The following FKBP5 variants were observed in gnomAD, a reference collection of about 807,000 sequenced individuals.
FKBP5 encodes the protein peptidyl-prolyl cis-trans isomerase FKBP5.
A neutral mutation model predicts 50.5 loss-of-function variants in FKBP5; 23 were observed. The observed-to-expected ratio is 0.46, with a 90% CI of 0.33 to 0.65. FKBP5 has a LOEUF of 0.65. Among genes scored for constraint, FKBP5 ranks in the 30% least tolerant of loss-of-function variants. The pLI, the probability that FKBP5 is intolerant of heterozygous loss-of-function variation, is 0.02. For missense variants in FKBP5, 411 were observed against 553.1 expected (o/e 0.74, Z 2.58); for synonymous variants, 176 against 190.6 (o/e 0.92, Z 0.63).
chr6:35,665,809 C>T lies in FKBP5; in HGVS notation c.-19-22966G>A, dbSNP rs191896750. 1.2e-4 allele frequency among the ~76,000 whole-genome samples: 18 copies of T among 152,202 alleles called. No individual in the cohort carries two copies. In the East Asian group the frequency reaches 1.9e-3, roughly 16 times the overall value. On this transcript the variant is annotated intron_variant, in intron 1 of 10. Coordinates refer to ENST00000357266, the MANE Select transcript of FKBP5 (RefSeq NM_004117.4). ...TTTCAACTTTATGATGGTGAGAAGGCGATACACATTCAGTAGAAACAGTAC... is the reference window on the plus strand; with the variant it reads ...TTTCAACTTTATGATGGTGAGAAGGTGATACACATTCAGTAGAAACAGTAC...
rs1301937186 is a variant in FKBP5 at position 35,637,108 on chromosome 6, T to C, written c.156A>G (p.Lys52=). The change falls in exon 3 of 11, where the codon AAA becomes AAG. Residue 52 remains lysine (K), a synonymous_variant. Transcript: ENST00000357266. ...ATTTTCCTTTGTAATGGACATAAACTTTGTCTCCAATCATCGGCGTTTCCT... is the reference window on the plus strand; with the variant it reads ...ATTTTCCTTTGTAATGGACATAAACCTTGTCTCCAATCATCGGCGTTTCCT... ...NGEETPMIGD[K]VYVHYKGKLS... The C allele has an allele frequency of 1.9e-6, 3 of 1,611,326 alleles. No individual in the cohort carries two copies. In the African/African-American group the frequency reaches 4.0e-5, roughly 22 times the overall value.
intron 2 of FKBP5, among the ~76,000 whole-genome samples, chr6:35,642,166 G>T (rs1444084474): frequency 2.0e-5 from 3 of 152,104 alleles, no homozygotes; most frequent in South Asian, 4.2e-4. Flanking sequence ...CTGAGAATAG[G>T]GAAATATAGC....
intron 2 of FKBP5, among the ~76,000 whole-genome samples, chr6:35,709,992 A>G (rs1013636647): frequency 1.1e-4 from 17 of 152,088 alleles, no homozygotes; most frequent in Non-Finnish European, 2.4e-4. Context: ...GTGAGGGAAG[A>G]CCTCTGAGGA....
intron 6 of FKBP5, among the ~76,000 whole-genome samples, chr6:35,594,654 T>C (rs1173562804): frequency 6.6e-6 from 1 of 152,090 alleles, no homozygotes; most frequent in Non-Finnish European, 1.5e-5. Context: ...TAGGGGGTTT[T>C]CTATACACAC....
At chr6:35,619,056 C>A in intron 5 of FKBP5, 40 bp downstream of exon 5, 1 of 1,398,006 alleles carries the variant, frequency 7.2e-7, no homozygotes, top group Non-Finnish European at 1.0e-6. Context: ...ATAAATGGCC[C>A]AACTTTTAAG....
In FKBP5 at chr6:35,587,116, G is replaced by T; in HGVS notation, c.758C>A (p.Ala253Asp). Residue 253 changes from alanine (A) to aspartate (D), a missense_variant and splice_region_variant, in exon 8 of 11, where the codon GCC becomes GAC. Coordinates refer to ENST00000357266, the MANE Select transcript of FKBP5 (RefSeq NM_004117.4). ...YEVTLKSFEK[A>D]KESWEMDTKE... is the part of the protein sequence containing the mutation. ...GGTATCCATCTCCCAGGATTCTTTG[G>T]CCTGTGTGTAAATTTGTGACAATGG... 1 of 1,613,798 alleles carries T rather than the reference G, an allele frequency of 6.2e-7. No individual in the cohort carries two copies. The highest frequency in any genetic ancestry group is 2.2e-5 in the East Asian group (1 of 44,870).
At chr6:35,602,673 C>T (rs550541978) in intron 5 of FKBP5, among the ~76,000 whole-genome samples, 6 of 152,056 alleles carry the variant, frequency 3.9e-5, no homozygotes, top group Admixed American at 2.0e-4. Flanking sequence ...ACTTCCAACA[C>T]GCATGGTGGT....
intron 3 of FKBP5, among the ~76,000 whole-genome samples, chr6:35,629,066 T>C (rs1444646453): frequency 6.6e-6 from 1 of 151,966 alleles, no homozygotes; most frequent in African/African-American, 2.4e-5. Flanking sequence ...TCATCCCTAC[T>C]CCCTACCAAT....
intron 1 of FKBP5, among the ~76,000 whole-genome samples, chr6:35,671,955 G>A (rs1561887699): frequency 6.6e-6 from 1 of 151,508 alleles, no homozygotes; most frequent in African/African-American, 2.4e-5. Flanking sequence ...TGCAAGCTCC[G>A]CCTCCCGGGT....
intron 1 of FKBP5, among the ~76,000 whole-genome samples, chr6:35,651,233 A>C (rs1764790691): frequency 6.6e-6 from 1 of 152,206 alleles, no homozygotes; most frequent in African/African-American, 2.4e-5. Flanking sequence ...GATAAGAAGG[A>C]ATTTTCACTT....
intron 1 of FKBP5, among the ~76,000 whole-genome samples, chr6:35,652,896 C>T (rs112537536): frequency 8.5e-5 from 13 of 152,230 alleles, no homozygotes; most frequent in South Asian, 6.2e-4. Context: ...CTCCCCCGGA[C>T]GCCCAGCTTT....
intron 3 of FKBP5, among the ~76,000 whole-genome samples, chr6:35,624,403 G>A (rs1399967059): frequency 6.6e-6 from 1 of 152,158 alleles, no homozygotes. Flanking sequence ...TTGGGAGGCT[G>A]AGGCAGAAGA....
At chr6:35,622,310 A>C (rs1182279767) in intron 3 of FKBP5, among the ~76,000 whole-genome samples, 1 of 152,150 alleles carries the variant, frequency 6.6e-6, no homozygotes, top group Non-Finnish European at 1.5e-5. Context: ...AAGAGTTTTA[A>C]GACCGGCCAG....
intron 2 of FKBP5, among the ~76,000 whole-genome samples, chr6:35,711,050 T>C (rs1231498939): frequency 6.6e-6 from 1 of 152,122 alleles, no homozygotes; most frequent in East Asian, 1.9e-4. Flanking sequence ...GCCAGTGCAG[T>C]GGCTCATGCC....
At chr6:35,700,004 G>A (rs1351167590) in intron 2 of FKBP5, among the ~76,000 whole-genome samples, 1 of 151,774 alleles carries the variant, frequency 6.6e-6, no homozygotes, top group Non-Finnish European at 1.5e-5. Context: ...CTGAAATTGC[G>A]CCACTGCACT....
intron 2 of FKBP5, among the ~76,000 whole-genome samples, chr6:35,712,314 A>C (rs549065568): frequency 8.7e-4 from 132 of 151,880 alleles, no homozygotes; most frequent in African/African-American, 2.3e-3. Flanking sequence ...CATCATCTCA[A>C]CCCTTGCCAC....
chr6:35,610,905 A>C (rs1387760997), intron 5 of FKBP5, among the ~76,000 whole-genome samples: 1 of 152,156 alleles, frequency 6.6e-6, no homozygotes, highest in Admixed American at 6.5e-5. Flanking sequence ...AAAGCTCCCT[A>C]GGTAATTCTA....
Position 35,597,302 on chromosome 6 carries a change from T to C in FKBP5, c.611A>G (p.Lys204Arg). 6.2e-7 allele frequency: 1 copy of C among 1,614,182 alleles called. No homozygotes were observed. The change falls in exon 6 of 11, where the codon AAA (lysine) becomes AGA (arginine). Residue 204 changes from lysine (K) to arginine (R), a missense_variant. Lys to Arg is a conservative substitution (Grantham distance 26). This residue lies in a region of FKBP5 where 267 missense variants were observed against 405.9 expected (regional missense o/e 0.66). Coordinates refer to ENST00000357266, the MANE Select transcript of FKBP5 (RefSeq NM_004117.4). Reference protein sequence around the residue: ...EDHDIPIGIDKALEKMQREEQ... With the variant: ...EDHDIPIGIDRALEKMQREEQ... ...TTCCCGCTGCATTTTCTCCAGAGCTTTGTCAATTCCAATTGGAATGTCGTG... is the reference window on the plus strand; with the variant it reads ...TTCCCGCTGCATTTTCTCCAGAGCTCTGTCAATTCCAATTGGAATGTCGTG...
At position 35,574,219 on chromosome 6, in the gene FKBP5, T is replaced by C. The variant is rs866922415; in HGVS notation, c.*1616A>G. On this transcript the variant is annotated 3_prime_UTR_variant, in exon 11 of 11. Coordinates refer to ENST00000357266, the MANE Select transcript of FKBP5 (RefSeq NM_004117.4). ...CCATTTGTTCCATGGGGAAGAAAAG[T>C]ATTATAAAAGGAAATAACTTGATTT... 1 of 152,304 alleles carries C rather than the reference T, an allele frequency of 6.6e-6. No homozygotes were observed. Among genetic ancestry groups the C allele is most frequent in the Middle Eastern group, 3.5e-3 (1 of 288 alleles). 9.4% of individuals were successfully genotyped at this position (152,304 alleles called of 1,614,324 possible). A position where few individuals can be genotyped will look rare whatever the true frequency, so the allele number is the denominator to read the frequency against.
Sources: gnomAD v4.1 joint callset for allele counts (sites outside exome capture counted in the v4.1 genomes callset) on GRCh38, gnomAD v4.1.1 for gene constraint, gnomAD v4.1.1 regional missense constraint, MANE v1.5 for transcripts, NCBI Gene and HGNC (gene_info 2026-07-23, HGNC 2026-07-21) for gene names.